PLXDC2: variants seen among roughly 807,000 people sequenced by gnomAD.
PLXDC2 encodes the protein plexin domain containing 2, also known as plexin domain-containing protein 2.
Under a neutral mutation model 68.9 loss-of-function variants are expected in PLXDC2, and 40 were observed. The ratio of observed to expected loss-of-function variants is 0.58; its 90% CI spans 0.45 to 0.76. The LOEUF (loss-of-function observed/expected upper bound fraction) is 0.76, where lower values mean the gene tolerates loss of function less well. Ranked by LOEUF, PLXDC2 falls within the 30% of genes least tolerant of loss-of-function variation. The pLI is 0.00. For synonymous variants in PLXDC2, 243 were observed against 234.2 expected, an observed-to-expected ratio of 1.04 and a Z score of -0.34; for missense variants, 644 against 661.9, an observed-to-expected ratio of 0.97 and a Z score of 0.30.
chr10:19,878,100 G>A lies in PLXDC2; in HGVS notation c.112+60909G>A, dbSNP rs2131348316. On this transcript the variant is annotated intron_variant, in intron 1 of 13. Coordinates refer to ENST00000377252, the MANE Select transcript of PLXDC2 (RefSeq NM_032812.9). Reference sequence around the variant, plus strand: ...ATAAGTAAGAATGACTGTTCTATAAGCTATAAATGTACTTTTTACAAATTA... The same window carrying A: ...ATAAGTAAGAATGACTGTTCTATAAACTATAAATGTACTTTTTACAAATTA... Among the ~76,000 whole-genome samples the A allele has an allele frequency of 1.3e-5, 2 of 152,210 alleles. 1 individual carries two copies.
chr10:19,895,974 C>A (rs1012680035), intron 1 of PLXDC2, among the ~76,000 whole-genome samples: 1 of 152,146 alleles, frequency 6.6e-6, no homozygotes, highest in African/African-American at 2.4e-5. Context: ...ACTTTGGAAT[C>A]ATGGTACCAC....
intron 9 of PLXDC2, among the ~76,000 whole-genome samples, chr10:20,193,269 C>T (rs1409099725): frequency 1.3e-5 from 2 of 151,840 alleles, no homozygotes; most frequent in East Asian, 3.9e-4. Context: ...ACAAGTTTGC[C>T]AGATAAATGG....
intron 2 of PLXDC2, among the ~76,000 whole-genome samples, chr10:20,034,951 A>C (rs1238565543): frequency 6.6e-6 from 1 of 152,192 alleles, no homozygotes; most frequent in Non-Finnish European, 1.5e-5. Flanking sequence ...ACAATGATGA[A>C]ATTCCCTAAT....
At chr10:20,235,230 T>A (rs573936210) in intron 12 of PLXDC2, among the ~76,000 whole-genome samples, 1 of 152,166 alleles carries the variant, frequency 6.6e-6, no homozygotes, top group Non-Finnish European at 1.5e-5. Context: ...AGCATGCCCC[T>A]AAGCTTCCGT....
chr10:20,091,093 T>C (rs1833270238), intron 4 of PLXDC2, among the ~76,000 whole-genome samples: 1 of 152,196 alleles, frequency 6.6e-6, no homozygotes, highest in Non-Finnish European at 1.5e-5. Context: ...CAATATGTGA[T>C]ATGTTCAGCC....
chr10:19,887,549 CA>C (rs917416373), intron 1 of PLXDC2, among the ~76,000 whole-genome samples: 2 of 151,216 alleles, frequency 1.3e-5, no homozygotes, highest in African/African-American at 4.9e-5. Context: ...AAACAAAAAA[CA>C]AAAAAAACCC....
At chr10:19,986,454 T>C (rs1398287495) in intron 1 of PLXDC2, among the ~76,000 whole-genome samples, 2 of 151,970 alleles carry the variant, frequency 1.3e-5, no homozygotes, top group East Asian at 3.9e-4. Context: ...TAATTAAACT[T>C]CATGAAGTAT....
chr10:19,823,247 T>C (rs1225420368), intron 1 of PLXDC2, among the ~76,000 whole-genome samples: 1 of 152,174 alleles, frequency 6.6e-6, no homozygotes, highest in Non-Finnish European at 1.5e-5. Flanking sequence ...TATGTACATA[T>C]GCATACATAT....
intron 1 of PLXDC2, among the ~76,000 whole-genome samples, chr10:19,918,715 A>G (rs969732034): frequency 6.6e-6 from 1 of 152,226 alleles, no homozygotes; most frequent in African/African-American, 2.4e-5. Flanking sequence ...CCCATACTTT[A>G]ATATCGAGAC....
chr10:19,822,024 T>C (rs1246175014), intron 1 of PLXDC2, among the ~76,000 whole-genome samples: 1 of 152,100 alleles, frequency 6.6e-6, no homozygotes, highest in Non-Finnish European at 1.5e-5. Flanking sequence ...ATTGCATTTG[T>C]ATTTCCGTGT....
chr10:19,856,360 A>C (rs1837212058), intron 1 of PLXDC2, among the ~76,000 whole-genome samples: 2 of 141,618 alleles, frequency 1.4e-5, no homozygotes, highest in South Asian at 4.5e-4. Context: ...CTTTATACAC[A>C]CACAAACACA....
At chr10:20,122,428 AG>A (rs1564322958) in intron 4 of PLXDC2, among the ~76,000 whole-genome samples, 1 of 152,222 alleles carries the variant, frequency 6.6e-6, no homozygotes, top group African/African-American at 2.4e-5. Flanking sequence ...ATCAGTCTTC[AG>A]CCACTAAGCC....
rs551193845 is a variant in PLXDC2 at position 20,173,142 on chromosome 10, C to T, written c.884-3857C>T. Among the ~76,000 whole-genome samples, 10 of 152,182 alleles carry T rather than the reference C, an allele frequency of 6.6e-5. No homozygotes were observed. In the East Asian group the frequency reaches 1.7e-3, roughly 26 times the overall value. The stretch of plus-strand genomic sequence containing the variant: ...GCTGGAAATGAATCTTGTGGTTATA[C>T]GATACAGGCTATTTCCATTAAAGAG... On this transcript the variant is annotated intron_variant, in intron 7 of 13. Transcript: ENST00000377252.
At chr10:20,076,329 T>C (rs1395770123) in intron 4 of PLXDC2, among the ~76,000 whole-genome samples, 3 of 152,198 alleles carry the variant, frequency 2.0e-5, no homozygotes, top group East Asian at 3.8e-4. Context: ...AAATAGACTT[T>C]TGAATCTGAA....
intron 1 of PLXDC2, among the ~76,000 whole-genome samples, chr10:19,897,991 G>C (rs759739472): frequency 1.2e-4 from 18 of 151,950 alleles, no homozygotes; most frequent in Non-Finnish European, 2.5e-4. Context: ...TGTTTCCCCT[G>C]TAACATCAAA....
At chr10:20,233,513 C>A (rs1418560999) in intron 12 of PLXDC2, among the ~76,000 whole-genome samples, 1 of 152,190 alleles carries the variant, frequency 6.6e-6, no homozygotes, top group Non-Finnish European at 1.5e-5. Flanking sequence ...TTAATCCTCA[C>A]AGCACCCTAA....
chr10:20,203,558 G>A (rs560920971), intron 9 of PLXDC2, among the ~76,000 whole-genome samples: 37 of 151,758 alleles, frequency 2.4e-4, no homozygotes, highest in Non-Finnish European at 5.2e-4. Flanking sequence ...AGATCCTCCT[G>A]CCTTGACCTC....
At chr10:19,829,829 G>A (rs1262261213) in intron 1 of PLXDC2, among the ~76,000 whole-genome samples, 1 of 152,166 alleles carries the variant, frequency 6.6e-6, no homozygotes, top group Non-Finnish European at 1.5e-5. Context: ...GAAGAACTGA[G>A]AACTCATTTA....
At chr10:19,858,338 C>G (rs1837254048) in intron 1 of PLXDC2, among the ~76,000 whole-genome samples, 1 of 152,198 alleles carries the variant, frequency 6.6e-6, no homozygotes, top group Admixed American at 6.5e-5. Flanking sequence ...GTACTATCTA[C>G]TCCTTTTTCA....
Sources: gnomAD v4.1 joint callset for allele counts (sites outside exome capture counted in the v4.1 genomes callset) on GRCh38, gnomAD v4.1.1 for gene constraint, MANE v1.5 for transcripts, NCBI Gene and HGNC (gene_info 2026-07-23, HGNC 2026-07-21) for gene names.